Variants in MECOM observed in about 807,000 individuals in gnomAD.
MECOM encodes the protein MDS1 and EVI1 complex locus.
Under a neutral mutation model 116.3 loss-of-function variants are expected in MECOM, and 13 were observed. That is an observed-to-expected ratio of 0.11 (90% CI 0.07 to 0.18). MECOM has a LOEUF of 0.18. Ranked by LOEUF, MECOM falls within the 10% of genes least tolerant of loss-of-function variation. MECOM has a pLI of 1.00. For synonymous variants in MECOM, 528 were observed against 535.2 expected (o/e 0.99, Z 0.19); for missense variants, 1,299 against 1,509.0 (o/e 0.86, Z 2.31).
chr3:169,102,136 T>A lies in MECOM; in HGVS notation c.2695A>T (p.Met899Leu), dbSNP rs1723772441. Reference sequence around the variant, plus strand: ...TTGGGAGGCGCCCTGAAGTTGAACATAGAGGGCACTGACTGTAAGAGCTCA... The same window carrying A: ...TTGGGAGGCGCCCTGAAGTTGAACAAAGAGGGCACTGACTGTAAGAGCTCA... ...ASELLQSVPS[M>L]FNFRAPPNAL... Residue 899 changes from methionine to leucine, a missense_variant, in exon 11 of 17, where the codon ATG becomes TTG. Coordinates refer to ENST00000651503, the MANE Select transcript of MECOM (RefSeq NM_004991.4). The A allele has an allele frequency of 6.2e-7, 1 of 1,613,926 alleles. No homozygotes were observed. Among genetic ancestry groups the A allele is most frequent in the East Asian group, 2.2e-5 (1 of 44,868 alleles).
intron 2 of MECOM, among the ~76,000 whole-genome samples, chr3:169,144,555 T>G (rs1739143498): frequency 1.3e-5 from 2 of 152,158 alleles, no homozygotes; most frequent in African/African-American, 2.4e-5. Flanking sequence ...TAGGTATACT[T>G]GTATCTTGTT....
chr3:169,285,846 T>C (rs9876754), intron 2 of MECOM, among the ~76,000 whole-genome samples: 33,286 of 152,094 alleles, frequency 0.22, 8,832 homozygotes, highest in African/African-American at 0.63. Context: ...ATCAGTAACA[T>C]GTTTGCTTCA....
chr3:169,583,552 G>A (rs1392954909), intron 1 of MECOM, among the ~76,000 whole-genome samples: 3 of 152,062 alleles, frequency 2.0e-5, no homozygotes, highest in Non-Finnish European at 1.5e-5. Context: ...ATTAGTGCAT[G>A]CCAACCCAAA....
chr3:169,348,853 T>C (rs1223259954), intron 2 of MECOM, among the ~76,000 whole-genome samples: 1 of 152,004 alleles, frequency 6.6e-6, no homozygotes, highest in African/African-American at 2.4e-5. Flanking sequence ...AGCAGCATGA[T>C]ACATTACTAT....
chr3:169,589,591 T>C (rs1766165923), intron 1 of MECOM, among the ~76,000 whole-genome samples: 1 of 152,104 alleles, frequency 6.6e-6, no homozygotes, highest in South Asian at 2.1e-4. Context: ...ATTTTATGAT[T>C]TTCTCTTATG....
intron 1 of MECOM, among the ~76,000 whole-genome samples, chr3:169,410,767 T>G (rs1447745794): frequency 1.3e-5 from 2 of 152,088 alleles, no homozygotes; most frequent in Non-Finnish European, 2.9e-5. Context: ...TTCATTCTGC[T>G]TGGATTATTT....
intron 1 of MECOM, among the ~76,000 whole-genome samples, chr3:169,405,150 C>T (rs546213857): frequency 6.6e-6 from 1 of 152,296 alleles, no homozygotes; most frequent in South Asian, 2.1e-4. Flanking sequence ...ACAATATGGT[C>T]AAAAGGGTTT....
intron 1 of MECOM, among the ~76,000 whole-genome samples, chr3:169,624,283 T>G: frequency 6.6e-6 from 1 of 152,208 alleles, no homozygotes; most frequent in East Asian, 1.9e-4. Context: ...AAATAAATAA[T>G]TACACACATG....
intron 2 of MECOM, among the ~76,000 whole-genome samples, chr3:169,215,426 A>C (rs1008071693): frequency 2.6e-5 from 4 of 152,108 alleles, no homozygotes; most frequent in Non-Finnish European, 5.9e-5. Flanking sequence ...TCTGGTAATA[A>C]ATTGCTGTGA....
At chr3:169,428,268 G>A (rs528865126) in intron 1 of MECOM, among the ~76,000 whole-genome samples, 2 of 152,272 alleles carry the variant, frequency 1.3e-5, no homozygotes, top group South Asian at 2.1e-4. Flanking sequence ...TGTAAACCAG[G>A]GACCTGTTTC....
intron 2 of MECOM, among the ~76,000 whole-genome samples, chr3:169,301,041 G>A (rs138050921): frequency 3.9e-4 from 60 of 152,172 alleles, no homozygotes; most frequent in Non-Finnish European, 7.8e-4. Context: ...TCTATATTGT[G>A]GGTTCAGTAT....
At chr3:169,542,010 A>C (rs994580856) in intron 1 of MECOM, among the ~76,000 whole-genome samples, 3 of 152,174 alleles carry the variant, frequency 2.0e-5, no homozygotes, top group African/African-American at 7.2e-5. Context: ...TATTACTAGA[A>C]GGATTATATA....
At chr3:169,119,435 T>C (rs1453816386) in intron 7 of MECOM, among the ~76,000 whole-genome samples, 1 of 152,236 alleles carries the variant, frequency 6.6e-6, no homozygotes, top group African/African-American at 2.4e-5. Flanking sequence ...AAATACTTTA[T>C]GCAATCTGAT....
At position 169,115,541 on chromosome 3, in the gene MECOM, C is replaced by T. The variant is rs769776293; in HGVS notation, c.2331G>A (p.Met777Ile). The T allele has an allele frequency of 3.7e-6, 6 of 1,614,132 alleles. No individual in the cohort carries two copies. Among genetic ancestry groups the T allele is most frequent in the Non-Finnish European group, 5.1e-6 (6 of 1,180,028 alleles). The stretch of plus-strand genomic sequence containing the variant: ...TCCCACTGGCTCTACTCCTACTGCC[C>T]ATACTTAGATCCAGGGGCTGGTCTT... ...TSQDQPLDLS[M>I]GSRSRASGTK... The change falls in exon 8 of 17, where the codon ATG (methionine) becomes ATA (isoleucine). Residue 777 changes from methionine (M) to isoleucine (I), a missense_variant. By Grantham distance (10) the Met-to-Ile change is conservative. Around this residue, in one of 6 missense-constraint regions of MECOM, gnomAD observed 340 missense variants for 312.6 expected, o/e 1.09. Transcript: ENST00000651503.
chr3:169,178,087 A>G (rs950001268), intron 2 of MECOM, among the ~76,000 whole-genome samples: 7 of 152,134 alleles, frequency 4.6e-5, no homozygotes, highest in Admixed American at 2.0e-4. Context: ...ATTCTCCTAC[A>G]TAGCCTTTAG....
intron 1 of MECOM, among the ~76,000 whole-genome samples, chr3:169,576,836 C>CAGAGAGAG (rs1413097407): frequency 0.017 from 1,907 of 113,190 alleles, 10 homozygotes; most frequent in East Asian, 0.058. Context: ...CACACACACA[C>CAGAGAGAG]ACAGAGAGAG....
intron 1 of MECOM, among the ~76,000 whole-genome samples, chr3:169,391,514 T>C (rs9852042): frequency 0.02 from 2,996 of 152,110 alleles, 101 homozygotes; most frequent in African/African-American, 0.067. Flanking sequence ...AAATGTAAAA[T>C]CATTCAAAAC....
intron 13 of MECOM, 138 bp from the exon 14 acceptor site, chr3:169,093,240 A>C (rs1720363086): frequency 1.1e-6 from 1 of 878,056 alleles, no homozygotes; most frequent in African/African-American, 1.7e-5. Flanking sequence ...TAACTTTAGA[A>C]AGTCAAAGTC....
intron 1 of MECOM, among the ~76,000 whole-genome samples, chr3:169,523,993 C>CA (rs1757678612): frequency 7.0e-6 from 1 of 142,862 alleles, no homozygotes; most frequent in African/African-American, 2.6e-5. Context: ...CACATACATA[C>CA]CTGTATATGA....
Sources: allele counts gnomAD v4.1 joint callset (sites outside exome capture counted in the v4.1 genomes callset), GRCh38; gene constraint gnomAD v4.1.1; regional missense constraint gnomAD v4.1.1; transcripts MANE v1.5; gene names NCBI Gene and HGNC (gene_info 2026-07-23, HGNC 2026-07-21).